AGGF1: variants seen among roughly 807,000 people sequenced by gnomAD.
AGGF1 encodes angiogenic factor with G patch and FHA domains 1.
A neutral mutation model predicts 86.5 loss-of-function variants in AGGF1; 56 were observed. The ratio of observed to expected loss-of-function variants is 0.65; its 90% CI spans 0.52 to 0.81. The LOEUF (loss-of-function observed/expected upper bound fraction) is 0.81, where lower values mean the gene tolerates loss of function less well. AGGF1 is among the 30% of genes least tolerant of loss of function. AGGF1 has a pLI of 0.00. For synonymous variants in AGGF1, 313 were observed against 297.1 expected, an observed-to-expected ratio of 1.05 and a Z score of -0.55; for missense variants, 816 against 850.9, an observed-to-expected ratio of 0.96 and a Z score of 0.51.
chr5:77,042,012 C>G (rs1747097765), intron 5 of AGGF1, among the ~76,000 whole-genome samples: 1 of 151,078 alleles, frequency 6.6e-6, no homozygotes, highest in African/African-American at 2.4e-5. Flanking sequence ...GTGGTGATGA[C>G]TCTTAACGAG....
In AGGF1 at chr5:77,063,238, G is replaced by C. The variant is rs759859678; in HGVS notation, c.2131G>C (p.Gly711Arg). The C allele has an allele frequency of 1.5e-5, 24 of 1,613,542 alleles. No homozygotes were observed. In the East Asian group the frequency reaches 1.6e-4, roughly 10 times the overall value. ...CCCAGGGACCATGCCTTGGGTAAAA[G>C]GGACTTTAGAGTGAAGGCTAATCAT... is the stretch of plus-strand genomic sequence containing the variant. ...DDPGTMPWVK[G>R]TLE Residue 711 changes from glycine (G) to arginine (R), a missense_variant, in exon 14 of 14, where the codon GGG (glycine) becomes CGG (arginine). Around this residue, in one of 3 missense-constraint regions of AGGF1, gnomAD observed 565 missense variants for 585.8 expected, o/e 0.96. Transcript: ENST00000312916.
Position 77,048,932 on chromosome 5 carries a change from G to A in AGGF1, c.1314-4G>A. 1 of 1,613,454 alleles carries A rather than the reference G, an allele frequency of 6.2e-7. No individual in the cohort carries two copies. The highest frequency in any genetic ancestry group is 8.5e-7 in the Non-Finnish European group (1 of 1,179,680). ...TATTAAAGACACTTTACTTAACTCT[G>A]CAGAGAAAAGGATATGGAACATACT... On this transcript the variant is annotated splice_polypyrimidine_tract_variant and splice_region_variant and intron_variant, in intron 7 of 13. Coordinates refer to ENST00000312916, the MANE Select transcript of AGGF1 (RefSeq NM_018046.5).
intron 4 of AGGF1, 21 bp downstream of exon 4, chr5:77,036,741 TG>T (rs1746976099): frequency 1.2e-6 from 2 of 1,609,578 alleles, no homozygotes; most frequent in African/African-American, 2.7e-5. Context: ...CAGACCTTTT[TG>T]TTTTGTTTTG....
At chr5:77,042,206 A>C (rs1395897328) in intron 5 of AGGF1, among the ~76,000 whole-genome samples, 1 of 151,778 alleles carries the variant, frequency 6.6e-6, no homozygotes, top group East Asian at 2.0e-4. Context: ...TCCCATGTCT[A>C]CTTCTTTCTA....
At chr5:77,048,424 T>C in intron 7 of AGGF1, 152 bp downstream of exon 7, 1 of 641,124 alleles carries the variant, frequency 1.6e-6, no homozygotes, top group Non-Finnish European at 2.7e-6. Flanking sequence ...CGATCTCGGC[T>C]CATTGCAACC....
At chr5:77,031,112 G>C (rs1442068918) in intron 1 of AGGF1, 136 bp downstream of exon 1, 1 of 947,262 alleles carries the variant, frequency 1.1e-6, no homozygotes, top group Non-Finnish European at 1.6e-6. Flanking sequence ...TAGAAGCTCA[G>C]CGCAGTTACA....
intron 5 of AGGF1, 38 bp downstream of exon 5, chr5:77,039,757 G>A (rs1297594593): frequency 1.1e-5 from 18 of 1,565,324 alleles, no homozygotes; most frequent in African/African-American, 2.7e-5. Flanking sequence ...ACATAATGGT[G>A]ATAACATGAT....
At chr5:77,056,455 T>G (rs1747460757) in intron 11 of AGGF1, among the ~76,000 whole-genome samples, 1 of 151,874 alleles carries the variant, frequency 6.6e-6, no homozygotes, top group Non-Finnish European at 1.5e-5. Flanking sequence ...CTTGAACTCC[T>G]GACCTCAGGT....
At chr5:77,046,212 G>A in intron 5 of AGGF1, 135 bp from the exon 6 acceptor site, 1 of 816,856 alleles carries the variant, frequency 1.2e-6, no homozygotes, top group Non-Finnish European at 2.2e-6. Context: ...AAGGAGAGGG[G>A]GAACAGATTG....
At position 77,054,067 on chromosome 5, in the gene AGGF1, G is replaced by A; in HGVS notation, c.1570G>A (p.Asp524Asn). ...FHIHPGSDTC[D>N]GCEPGQVRAH... ...CATTCATCCTGGCAGTGATACCTGT[G>A]ATGGCTGTGAACCAGGGCAGGTTAG... Residue 524 changes from aspartate to asparagine, a missense_variant, in exon 10 of 14, where the codon GAT becomes AAT. Around this residue, in one of 3 missense-constraint regions of AGGF1, gnomAD observed 565 missense variants for 585.8 expected, o/e 0.96. Coordinates refer to ENST00000312916, the MANE Select transcript of AGGF1 (RefSeq NM_018046.5). 1 of 1,614,146 alleles carries A rather than the reference G, an allele frequency of 6.2e-7. No individual in the cohort carries two copies.
At chr5:77,052,556 G>C (rs1554046967) in intron 8 of AGGF1, 150 bp from the exon 9 acceptor site, 1 of 587,264 alleles carries the variant, frequency 1.7e-6, no homozygotes, top group African/African-American at 1.9e-5. Flanking sequence ...TCTACCAGAA[G>C]CATATAATAG....
chr5:77,031,419 A>T (rs1347844859), intron 1 of AGGF1, among the ~76,000 whole-genome samples: 1 of 152,356 alleles, frequency 6.6e-6, no homozygotes, highest in Admixed American at 6.5e-5. Context: ...GAAGTAAAAC[A>T]AACAATTTTA....
intron 4 of AGGF1, among the ~76,000 whole-genome samples, chr5:77,038,106 C>A (rs888960586): frequency 6.6e-6 from 1 of 152,086 alleles, no homozygotes; most frequent in African/African-American, 2.4e-5. Context: ...TAAGATAATA[C>A]TAAATATCTC....
intron 13 of AGGF1, among the ~76,000 whole-genome samples, chr5:77,062,838 T>C (rs771918498): frequency 7.2e-5 from 11 of 152,214 alleles, no homozygotes; most frequent in Non-Finnish European, 1.3e-4. Context: ...AAGTAGGCTG[T>C]ACTTATTGAC....
Position 77,030,461 on chromosome 5 carries a change from C to T in AGGF1, c.-306C>T. On this transcript the variant is annotated 5_prime_UTR_variant, in exon 1 of 14. Transcript: ENST00000312916. ...GGAGCTCTTCTGGCCTCTGGTTTTC[C>T]GACTGCTTATCCGACGCTCCTCCCT... 3.5e-6 allele frequency: 2 copies of T among 576,490 alleles called. No homozygotes were observed. Among genetic ancestry groups the T allele is most frequent in the Non-Finnish European group, 6.5e-6 (2 of 305,524 alleles). The allele number at this position is 576,490 out of a possible 1,614,324, so 35.7% of individuals were successfully genotyped here. A position where few individuals can be genotyped will look rare whatever the true frequency, so the allele number is the denominator to read the frequency against.
At chr5:77,041,089 A>T (rs1747068996) in intron 5 of AGGF1, among the ~76,000 whole-genome samples, 1 of 149,370 alleles carries the variant, frequency 6.7e-6, no homozygotes, top group Non-Finnish European at 1.5e-5. Context: ...TCACATAAGG[A>T]ATTAGGATTC....
intron 10 of AGGF1, among the ~76,000 whole-genome samples, chr5:77,054,578 G>GT (rs1294276954): frequency 1.3e-5 from 2 of 152,142 alleles, no homozygotes; most frequent in African/African-American, 4.8e-5. Context: ...TAGATTTTAA[G>GT]TGTTTTTACC....
At chr5:77,057,720 A>C (rs1747485640) in intron 11 of AGGF1, among the ~76,000 whole-genome samples, 1 of 152,206 alleles carries the variant, frequency 6.6e-6, no homozygotes, top group Non-Finnish European at 1.5e-5. Context: ...TGTGTGCCCT[A>C]CTTGCACAGC....
At chr5:77,032,419 A>T (rs1368349118) in intron 1 of AGGF1, among the ~76,000 whole-genome samples, 1 of 151,884 alleles carries the variant, frequency 6.6e-6, no homozygotes, top group African/African-American at 2.4e-5. Context: ...TACAAAAAAA[A>T]TTAGCCGAGC....
Sources: allele counts gnomAD v4.1 joint callset (sites outside exome capture counted in the v4.1 genomes callset), GRCh38; gene constraint gnomAD v4.1.1; regional missense constraint gnomAD v4.1.1; transcripts MANE v1.5; gene names NCBI Gene and HGNC (gene_info 2026-07-23, HGNC 2026-07-21).